NREP: variants seen among roughly 807,000 people sequenced by gnomAD.
NREP encodes neuronal regeneration-related protein.
NREP carries 5 observed loss-of-function variants against 8.6 expected under a neutral mutation model. The ratio of observed to expected loss-of-function variants is 0.58; its 90% CI spans 0.30 to 1.22. The LOEUF (loss-of-function observed/expected upper bound fraction) is 1.22. Among genes scored for constraint, NREP ranks in the 50% most tolerant of loss-of-function variants. NREP has a pLI of 0.07. For missense variants in NREP, 86 were observed against 82.5 expected, an observed-to-expected ratio of 1.04 and a Z score of -0.17; for synonymous variants, 27 against 28.0, an observed-to-expected ratio of 0.96 and a Z score of 0.11.
At chr5:111,962,999 CAT>C (rs1279220168) in intron 2 of NREP, among the ~76,000 whole-genome samples, 2 of 152,256 alleles carry the variant, frequency 1.3e-5, no homozygotes, top group Non-Finnish European at 2.9e-5. Flanking sequence ...TGGGACCCAA[CAT>C]GTGTGGATAC....
At chr5:111,930,748 A>C (rs1755514189) in intron 2 of NREP, among the ~76,000 whole-genome samples, 1 of 152,264 alleles carries the variant, frequency 6.6e-6, no homozygotes, top group African/African-American at 2.4e-5. Flanking sequence ...TCAGGCATAC[A>C]TCTCTGGTCT....
chr5:111,902,300 G>C (rs545999938), intron 2 of NREP, among the ~76,000 whole-genome samples: 1 of 152,154 alleles, frequency 6.6e-6, no homozygotes, highest in Non-Finnish European at 1.5e-5. Context: ...ATCAACTCGA[G>C]ATGGATTAAA....
chr5:111,737,016 A>G (rs1749184894), intron 2 of NREP, among the ~76,000 whole-genome samples: 1 of 152,186 alleles, frequency 6.6e-6, no homozygotes, highest in Admixed American at 6.5e-5. Context: ...TGGGTCTTAA[A>G]GAGAGCTCAT....
chr5:111,795,388 G>A (rs1324053886), intron 2 of NREP, among the ~76,000 whole-genome samples: 1 of 152,138 alleles, frequency 6.6e-6, no homozygotes, highest in East Asian at 1.9e-4. Flanking sequence ...TGGAAACTTG[G>A]CCATCATTTG....
intron 2 of NREP, chr5:111,940,180 A>C (rs1755792279): frequency 6.6e-6 from 1 of 152,112 alleles, no homozygotes; most frequent in Non-Finnish European, 1.5e-5. Context: ...CTCCTTACAT[A>C]AAGGGAAACA....
intron 2 of NREP, among the ~76,000 whole-genome samples, chr5:111,972,401 T>G (rs1053447059): frequency 5.3e-5 from 8 of 152,240 alleles, no homozygotes; most frequent in African/African-American, 1.9e-4. Context: ...TATTTGTTTT[T>G]CAGGATTGCA....
At chr5:111,926,043 T>C (rs940529000) in intron 2 of NREP, among the ~76,000 whole-genome samples, 16 of 152,110 alleles carry the variant, frequency 1.1e-4, no homozygotes, top group Non-Finnish European at 1.5e-5. Context: ...CCATGTGAGA[T>C]CATACACCTG....
chr5:111,805,012 C>T (rs1023974885), intron 2 of NREP, among the ~76,000 whole-genome samples: 4 of 151,728 alleles, frequency 2.6e-5, no homozygotes, highest in Non-Finnish European at 5.9e-5. Flanking sequence ...ACAACAACAA[C>T]AACAACAAAA....
chr5:111,832,783 C>T (rs1207855461), intron 2 of NREP, among the ~76,000 whole-genome samples: 1 of 152,224 alleles, frequency 6.6e-6, no homozygotes, highest in Non-Finnish European at 1.5e-5. Context: ...AATCTCTTTA[C>T]CACTCCCATT....
At position 111,844,974 on chromosome 5, in the gene NREP, T is replaced by C. The variant is rs898607372; in HGVS notation, c.136-109467A>G. Among the ~76,000 whole-genome samples the C allele has an allele frequency of 2.0e-5, 3 of 152,060 alleles. No homozygotes were observed. In the East Asian group the frequency reaches 5.8e-4, roughly 29 times the overall value. ...ATTATATATATAAAGCCTGGGTTCATGTGGGCTGGCCTGCCACTGATGCAG... is the reference window on the plus strand; with the variant it reads ...ATTATATATATAAAGCCTGGGTTCACGTGGGCTGGCCTGCCACTGATGCAG... On this transcript the variant is annotated intron_variant, in intron 2 of 3. Coordinates refer to the NREP transcript ENST00000395634.
chr5:111,901,556 A>C (rs1482136827), intron 2 of NREP, among the ~76,000 whole-genome samples: 1 of 152,110 alleles, frequency 6.6e-6, no homozygotes, highest in Non-Finnish European at 1.5e-5. Context: ...TCTTATATAT[A>C]GAAAAACCTG....
intron 2 of NREP, among the ~76,000 whole-genome samples, chr5:111,835,504 G>A (rs1425997856): frequency 6.6e-6 from 1 of 152,008 alleles, no homozygotes; most frequent in Non-Finnish European, 1.5e-5. Context: ...GGCTTCTCAG[G>A]GGAGGAAATC....
At chr5:111,870,187 T>C (rs1376888839) in intron 2 of NREP, among the ~76,000 whole-genome samples, 1 of 152,210 alleles carries the variant, frequency 6.6e-6, no homozygotes, top group Non-Finnish European at 1.5e-5. Flanking sequence ...CCCAGCACTT[T>C]GGGAGGCTGA....
chr5:111,800,875 T>A (rs1394402918), intron 2 of NREP, among the ~76,000 whole-genome samples: 2 of 152,214 alleles, frequency 1.3e-5, no homozygotes, highest in African/African-American at 4.8e-5. Context: ...AAACAATAAT[T>A]AGTCCTCAAG....
At chr5:111,926,926 AGGCAGGAATAGT>A (rs1185265402) in intron 2 of NREP, among the ~76,000 whole-genome samples, 1 of 151,580 alleles carries the variant, frequency 6.6e-6, no homozygotes, top group African/African-American at 2.4e-5. Context: ...GGAGTGGGTC[AGGCAGGAATAGT>A]CACGTTCACC....
intron 2 of NREP, among the ~76,000 whole-genome samples, chr5:111,883,264 A>G (rs1754138099): frequency 1.3e-5 from 2 of 152,344 alleles, no homozygotes; most frequent in South Asian, 4.2e-4. Flanking sequence ...ATTCAATGAG[A>G]AGAGCTAACT....
At chr5:111,887,456 T>C (rs1201061115) in intron 2 of NREP, among the ~76,000 whole-genome samples, 1 of 152,222 alleles carries the variant, frequency 6.6e-6, no homozygotes, top group East Asian at 1.9e-4. Flanking sequence ...TATCTCTATA[T>C]GCTGTCACTT....
intron 2 of NREP, among the ~76,000 whole-genome samples, chr5:111,766,408 C>T (rs1183079702): frequency 6.6e-6 from 1 of 152,174 alleles, no homozygotes; most frequent in African/African-American, 2.4e-5. Context: ...TTAAAACCTC[C>T]AGCTATAATC....
At chr5:111,788,970 T>C (rs977609629) in intron 2 of NREP, among the ~76,000 whole-genome samples, 3 of 152,202 alleles carry the variant, frequency 2.0e-5, no homozygotes, top group African/African-American at 7.2e-5. Flanking sequence ...CATCAGCTCT[T>C]CCCGCCTGAC....
Sources: allele counts gnomAD v4.1 joint callset (sites outside exome capture counted in the v4.1 genomes callset), GRCh38; gene constraint gnomAD v4.1.1; transcripts MANE v1.5; gene names NCBI Gene and HGNC (gene_info 2026-07-23, HGNC 2026-07-21).